The following ZNF649 variants were observed in gnomAD, a reference collection of about 807,000 sequenced individuals.
The protein encoded by ZNF649 is zinc finger protein 649.
In ZNF649, 7 loss-of-function variants were observed where a neutral mutation model predicts 14.1. The ratio of observed to expected loss-of-function variants is 0.49; its 90% confidence interval spans 0.28 to 0.93. The LOEUF is 0.93. Ranked by LOEUF, ZNF649 falls within the 40% of genes least tolerant of loss-of-function variation. The pLI is 0.10. For missense variants in ZNF649, 544 were observed against 608.1 expected (o/e 0.89, Z 1.11); for synonymous variants, 227 against 212.3 (o/e 1.07, Z -0.60).
chr19:51,891,522 G>A lies in ZNF649; in HGVS notation c.614C>T (p.Pro205Leu), dbSNP rs2085022568. Residue 205 changes from proline (P) to leucine (L), a missense_variant, in exon 5 of 5, where the codon CCC becomes CTC. Coordinates refer to ENST00000354957, the MANE Select transcript of ZNF649 (RefSeq NM_023074.4). The surrounding 1 kb of genome is among the most constrained non-coding windows in gnomAD (Gnocchi z 4.2). ...TTTCCCACACAAGCTACACACGTGG[G>A]GTTTCTTTCCTGTATGAATTCTCTT... ...EHKRIHTGKK[P>L]HVCSLCGKAF... 6.2e-7 allele frequency: 1 copy of A among 1,614,220 alleles called. No individual in the cohort carries two copies. The highest frequency in any genetic ancestry group is 8.5e-7 in the Non-Finnish European group (1 of 1,180,038).
intron 1 of ZNF649, among the ~76,000 whole-genome samples, chr19:51,902,247 C>G (rs956933685): frequency 6.6e-6 from 1 of 152,148 alleles, no homozygotes; most frequent in Non-Finnish European, 1.5e-5. Context: ...ATAGCAGCAC[C>G]AACAAGGCTA....
At chr19:51,899,754 G>A (rs756670085) in intron 2 of ZNF649, 18 of 253,884 alleles carry the variant, frequency 7.1e-5, no homozygotes, top group South Asian at 1.7e-4. Flanking sequence ...CCTGAGGAAC[G>A]GACCCGCTTT....
At chr19:51,895,504 C>T (rs1266667366) in intron 4 of ZNF649, among the ~76,000 whole-genome samples, 5 of 151,798 alleles carry the variant, frequency 3.3e-5, no homozygotes, top group East Asian at 1.9e-4. Flanking sequence ...TCACCACGCC[C>T]GGCTAATTTT....
rs1204700910 is a variant in ZNF649, at chr19:51,896,769, G to C, written c.142+83C>G. Reference sequence around the variant, plus strand: ...GGATCTGCCATTTGGGAGCACAGCAGACATACCAAAGCTTCCAGAAGCTGA... The same window carrying C: ...GGATCTGCCATTTGGGAGCACAGCACACATACCAAAGCTTCCAGAAGCTGA... On this transcript the variant is annotated intron_variant, in intron 3 of 4. Coordinates refer to ENST00000354957, the MANE Select transcript of ZNF649 (RefSeq NM_023074.4). The C allele has an allele frequency of 2.5e-6, 4 of 1,613,446 alleles. No individual in the cohort carries two copies. In the Admixed American group the frequency reaches 6.7e-5, roughly 27 times the overall value.
In ZNF649 at chr19:51,891,379, C is replaced by T. The variant is rs751443789; in HGVS notation, c.757G>A (p.Glu253Lys). 13 of 1,613,936 alleles carry T rather than the reference C, an allele frequency of 8.1e-6. No homozygotes were observed. The highest frequency in any genetic ancestry group is 1.6e-4 in the Middle Eastern group (1 of 6,084). ...GGTTTCTCTCCTTTGTGAGCTCTCT[C>T]GTGTTCAGTGAGCCTGTACCTCTTG... is the stretch of plus-strand genomic sequence containing the variant. Reference protein sequence around the residue: ...FYKRYRLTEHERAHKGEKPYG... With the variant: ...FYKRYRLTEHKRAHKGEKPYG... The change falls in exon 5 of 5, where the codon GAG becomes AAG. Residue 253 changes from glutamate to lysine, a missense_variant. Glu to Lys is a moderately conservative substitution (Grantham distance 56). Transcript: ENST00000354957. The surrounding 1 kb of genome is among the most constrained non-coding windows in gnomAD (Gnocchi z 4.2).
chr19:51,904,898 A>T lies in ZNF649; in HGVS notation c.-188+16T>A, dbSNP rs1226894622. 6.6e-6 allele frequency: 1 copy of T among 152,374 alleles called. No individual in the cohort carries two copies. Among genetic ancestry groups the T allele is most frequent in the Non-Finnish European group, 1.5e-5 (1 of 68,224 alleles). The allele number at this position is 152,374 out of a possible 1,614,324, so 9.4% of individuals were successfully genotyped here. A position where few individuals can be genotyped will look rare whatever the true frequency, so the allele number is the denominator to read the frequency against. Reference sequence around the variant, plus strand: ...TACCCCTTTAACCTACTCCACGGAGAGACCCAAACACTCACCTGATTTTCT... The same window carrying T: ...TACCCCTTTAACCTACTCCACGGAGTGACCCAAACACTCACCTGATTTTCT... On this transcript the variant is annotated intron_variant, in intron 1 of 4. Coordinates refer to ENST00000354957, the MANE Select transcript of ZNF649 (RefSeq NM_023074.4).
chr19:51,899,964 G>A, intron 2 of ZNF649, 129 bp downstream of exon 2: 1 of 722,482 alleles, frequency 1.4e-6, no homozygotes, highest in South Asian at 3.7e-5. Flanking sequence ...TAAAGGTACA[G>A]TCTAAGTCTG....
At chr19:51,903,029 G>T (rs985113305) in intron 1 of ZNF649, among the ~76,000 whole-genome samples, 1 of 152,098 alleles carries the variant, frequency 6.6e-6, no homozygotes, top group African/African-American at 2.4e-5. Context: ...CAGGGCAAAT[G>T]GGAAAAGGAA....
chr19:51,894,978 G>GCCTTTA (rs2085050690), intron 4 of ZNF649, among the ~76,000 whole-genome samples: 1 of 152,216 alleles, frequency 6.6e-6, no homozygotes, highest in Non-Finnish European at 1.5e-5. Context: ...ATGCTTAATA[G>GCCTTTA]ATGGAAAAGT....
intron 1 of ZNF649, among the ~76,000 whole-genome samples, chr19:51,900,966 A>C (rs1418899708): frequency 6.6e-6 from 1 of 152,244 alleles, no homozygotes; most frequent in Non-Finnish European, 1.5e-5. Context: ...TATTACTGTG[A>C]AAACATACAC....
Position 51,890,885 on chromosome 19 carries a change from G to C in ZNF649, c.1251C>G (p.Leu417=). 2 of 1,614,208 alleles carry C rather than the reference G, an allele frequency of 1.2e-6. No homozygotes were observed. Among genetic ancestry groups the C allele is most frequent in the East Asian group, 4.5e-5 (2 of 44,890 alleles). ...CCGTGTGAGTTCTGTGATGTACAATGAGCATTGTCTTTGTAAGGAAGGCTT... is the reference window on the plus strand; with the variant it reads ...CCGTGTGAGTTCTGTGATGTACAATCAGCATTGTCTTTGTAAGGAAGGCTT... ...CGKAFLTKTM[L]IVHHRTHTGE... The change falls in exon 5 of 5, where the codon CTC becomes CTG. Residue 417 remains leucine (L), a synonymous_variant. Coordinates refer to ENST00000354957, the MANE Select transcript of ZNF649 (RefSeq NM_023074.4).
intron 4 of ZNF649, among the ~76,000 whole-genome samples, chr19:51,895,585 G>T (rs999539347): frequency 6.6e-6 from 1 of 151,646 alleles, no homozygotes; most frequent in Non-Finnish European, 1.5e-5. Context: ...TTTGTGATCC[G>T]CCCGCCTCAG....
chr19:51,899,554 T>C (rs999010776), intron 2 of ZNF649, among the ~76,000 whole-genome samples: 1 of 152,218 alleles, frequency 6.6e-6, no homozygotes, highest in African/African-American at 2.4e-5. Context: ...GGAAAAACTG[T>C]GTTCATTAAA....
Position 51,889,993 on chromosome 19 carries a change from T to G in ZNF649, c.*625A>C, listed in dbSNP as rs916323375. On this transcript the variant is annotated 3_prime_UTR_variant, in exon 5 of 5. Transcript: ENST00000354957. ...TGTATGTTGCCCACTAAACACCCAC[T>G]TTAAATATGAAAGCATAAATAGGTT... 6.6e-6 allele frequency: 1 copy of G among 152,138 alleles called. No individual in the cohort carries two copies. Among genetic ancestry groups the G allele is most frequent in the African/African-American group, 2.4e-5 (1 of 41,416 alleles). The allele number at this position is 152,138 out of a possible 1,614,324, so 9.4% of individuals were successfully genotyped here.
intron 2 of ZNF649, among the ~76,000 whole-genome samples, chr19:51,898,963 T>C (rs1411981931): frequency 6.6e-6 from 1 of 151,970 alleles, no homozygotes; most frequent in Admixed American, 6.6e-5. Context: ...GGTCACAGAA[T>C]CTGGAGGTCG....
chr19:51,896,490 G>A lies in ZNF649; in HGVS notation c.220C>T (p.His74Tyr), dbSNP rs1480644613. The A allele has an allele frequency of 8.1e-6, 13 of 1,614,016 alleles. No homozygotes were observed. Among genetic ancestry groups the A allele is most frequent in the Admixed American group, 1.7e-5 (1 of 60,008 alleles). ...CACTTACCTGGGTGGGCTGGACTGT[G>A]GATTTCATCTTCTAGTGTCCATAGT... ...EPLWTLEDEI[H>Y]SPAHPEIEKA... Residue 74 changes from histidine (H) to tyrosine (Y), a missense_variant, in exon 4 of 5, where the codon CAC (histidine) becomes TAC (tyrosine). His to Tyr is a moderately conservative substitution (Grantham distance 83). Transcript: ENST00000354957.
At chr19:51,895,815 G>A (rs900395996) in intron 4 of ZNF649, among the ~76,000 whole-genome samples, 12 of 151,382 alleles carry the variant, frequency 7.9e-5, no homozygotes, top group Admixed American at 4.6e-4. Context: ...ATACACACAC[G>A]CATATACATA....
At chr19:51,897,272 T>C (rs1044303790) in intron 2 of ZNF649, 1 of 261,730 alleles carries the variant, frequency 3.8e-6, no homozygotes, top group Non-Finnish European at 7.4e-6. Flanking sequence ...TACAAATTCA[T>C]GTTCACAAAT....
At position 51,891,282 on chromosome 19, in the gene ZNF649, G is replaced by A. The variant is rs139149269; in HGVS notation, c.854C>T (p.Thr285Met). 25 of 1,614,174 alleles carry A rather than the reference G, an allele frequency of 1.5e-5. No individual in the cohort carries two copies. The highest frequency in any genetic ancestry group is 5.3e-5 in the African/African-American group (4 of 75,032). The change falls in exon 5 of 5, where the codon ACG becomes ATG. Residue 285 changes from threonine to methionine, a missense_variant. Thr to Met is a moderately conservative substitution (Grantham distance 81). Coordinates refer to ENST00000354957, the MANE Select transcript of ZNF649 (RefSeq NM_023074.4). This position sits in a 1 kb window ranked among gnomAD's most constrained non-coding sequence, Gnocchi z 4.2. ...SELTEHQRIH[T>M]GIKPHQCSEC... Reference sequence around the variant, plus strand: ...GCTGCATTGATGGGGCTTAATTCCCGTGTGAATCCTTTGATGTTCAGTAAG... The same window carrying A: ...GCTGCATTGATGGGGCTTAATTCCCATGTGAATCCTTTGATGTTCAGTAAG...
Sources: gnomAD v4.1 joint callset for allele counts (sites outside exome capture counted in the v4.1 genomes callset) on GRCh38, gnomAD v4.1.1 for gene constraint, Gnocchi (gnomAD v3.1) non-coding constraint, MANE v1.5 for transcripts, NCBI Gene and HGNC (gene_info 2026-07-23, HGNC 2026-07-21) for gene names.